The following DDHD2 variants were observed in gnomAD, a reference collection of about 807,000 sequenced individuals.
DDHD2 encodes the protein DDHD domain containing 2.
Under a neutral mutation model 91.2 loss-of-function variants are expected in DDHD2, and 62 were observed. The ratio of observed to expected loss-of-function variants is 0.68; its 90% CI spans 0.55 to 0.84. DDHD2 has a LOEUF of 0.84. Among genes scored for constraint, DDHD2 ranks in the 40% least tolerant of loss-of-function variants. The pLI, the probability that DDHD2 is intolerant of heterozygous loss-of-function variation, is 0.00. For synonymous variants in DDHD2, 271 were observed against 293.9 expected (o/e 0.92, Z 0.80); for missense variants, 740 against 846.9 (o/e 0.87, Z 1.57).
At position 38,247,821 on chromosome 8, in the gene DDHD2, G is replaced by C; in HGVS notation, c.1234G>C (p.Asp412His). 1 of 1,563,960 alleles carries C rather than the reference G, an allele frequency of 6.4e-7. No homozygotes were observed. Among genetic ancestry groups the C allele is most frequent in the East Asian group, 2.3e-5 (1 of 43,532 alleles). The change falls in exon 10 of 18, where the codon GAT becomes CAT. Residue 412 changes from aspartate to histidine, a missense_variant. Asp to His is a moderately conservative substitution (Grantham distance 81, BLOSUM62 -1). Transcript: ENST00000397166. The part of the protein sequence containing the change: ...FFDIFEKEKV[D>H]KEALALCTDR... Reference sequence around the variant, plus strand: ...TGATATCTTTGAGAAGGAGAAAGTAGATAAGGAAGCTCTGGTAAAAATAAT... The same window carrying C: ...TGATATCTTTGAGAAGGAGAAAGTACATAAGGAAGCTCTGGTAAAAATAAT...
At chr8:38,266,168 T>C (rs975407957), downstream of DDHD2, 3 of 1,614,066 alleles carry the variant, frequency 1.9e-6, no homozygotes, top group Non-Finnish European at 2.5e-6. Flanking sequence ...TAGTCACATG[T>C]GCGGGACAGT....
intron 16 of DDHD2, among the ~76,000 whole-genome samples, chr8:38,255,104 A>T (rs928094310): frequency 2.0e-5 from 3 of 150,496 alleles, no homozygotes; most frequent in South Asian, 2.1e-4. Flanking sequence ...CTGAGACAGG[A>T]GAATTGCCTG....
At chr8:38,260,019 C>T (rs1229348471) in intron 16 of DDHD2, 21 bp from the exon 17 acceptor site, 1 of 1,527,560 alleles carries the variant, frequency 6.5e-7, no homozygotes, top group African/African-American at 1.4e-5. Context: ...CTTTTCTCAA[C>T]ATAATTTTTT....
chr8:38,243,031 G>T (rs896382052), intron 7 of DDHD2, among the ~76,000 whole-genome samples: 3 of 152,144 alleles, frequency 2.0e-5, no homozygotes, highest in Non-Finnish European at 2.9e-5. Context: ...TTTCCATGCT[G>T]GTCTCAGAAA....
intron 4 of DDHD2, 74 bp downstream of exon 4, chr8:38,237,701 T>G: frequency 2.5e-6 from 2 of 789,772 alleles, no homozygotes; most frequent in Non-Finnish European, 4.0e-6. Flanking sequence ...TGGTTTCTTT[T>G]GCTAAGCACT....
rs1365095845 is a variant in DDHD2 at position 38,234,427 on chromosome 8, A to C, written c.254A>C (p.Asp85Ala). The C allele has an allele frequency of 1.9e-6, 3 of 1,602,942 alleles. No individual in the cohort carries two copies. The highest frequency in any genetic ancestry group is 2.5e-6 in the Non-Finnish European group (3 of 1,177,474). Residue 85 changes from aspartate (D) to alanine (A), a missense_variant, in exon 3 of 18, where the codon GAT becomes GCT. Physicochemically the swap from Asp to Ala is moderately radical, Grantham distance 126. Transcript: ENST00000397166. ...KGCNGRVVPTDGGRYDVHLGE... is the reference protein window; with the variant it reads ...KGCNGRVVPTAGGRYDVHLGE... ...TGTAATGGGAGAGTTGTTCCTACTG[A>C]TGGGGGCAGATATGATGTTCATTTG...
chr8:38,267,917 T>A, intron 1 of DDHD2: 1 of 1,613,948 alleles, frequency 6.2e-7, no homozygotes, highest in Non-Finnish European at 8.5e-7. Context: ...TCAGTTTTAT[T>A]GTGTTGGTAA....
At chr8:38,265,600 G>C (rs1807468639), downstream of DDHD2, 1 of 152,080 alleles carries the variant, frequency 6.6e-6, no homozygotes, top group South Asian at 2.1e-4. Flanking sequence ...CTCAATTTTT[G>C]TATTTTTAGT....
chr8:38,255,907 T>C (rs1035213199), intron 16 of DDHD2, among the ~76,000 whole-genome samples: 21 of 152,328 alleles, frequency 1.4e-4, no homozygotes, highest in African/African-American at 4.8e-4. Context: ...TTGATAAATA[T>C]TGACAAATAA....
rs779725926 is a variant in DDHD2, at chr8:38,246,271, G to T, written c.1096G>T (p.Asp366Tyr). 4.3e-6 allele frequency: 7 copies of T among 1,609,592 alleles called. No individual in the cohort carries two copies. Among genetic ancestry groups the T allele is most frequent in the Non-Finnish European group, 5.1e-6 (6 of 1,176,800 alleles). Residue 366 changes from aspartate (D) to tyrosine (Y), a missense_variant, in exon 9 of 18, where the codon GAT (aspartate) becomes TAT (tyrosine). Physicochemically the swap from Asp to Tyr is radical, Grantham distance 160. This residue lies in a region of DDHD2 where 693 missense variants were observed against 764.2 expected (regional missense o/e 0.91). Coordinates refer to ENST00000397166, the MANE Select transcript of DDHD2 (RefSeq NM_015214.3). Reference protein sequence around the residue: ...ILFDILTNQKDSLGDIDSEKD... With the variant: ...ILFDILTNQKYSLGDIDSEKD... ...GTTTGATATCCTAACAAATCAGAAA[G>T]ATTCTTTGGGGGATATTGACAGTGA... is the stretch of plus-strand genomic sequence containing the variant.
chr8:38,253,055 C>G lies in DDHD2; in HGVS notation c.1819C>G (p.Pro607Ala). The part of the protein sequence containing the change: ...AWKSFTRAPY[P>A]ALQASETPEE... ...GAAGTCTTTTACCAGAGCTCCATAC[C>G]CTGCCTTACAAGCTTCAGAAACACC... The change falls in exon 15 of 18, where the codon CCT becomes GCT. Residue 607 changes from proline (P) to alanine (A), a missense_variant. Coordinates refer to ENST00000397166, the MANE Select transcript of DDHD2 (RefSeq NM_015214.3). 6.2e-7 allele frequency: 1 copy of G among 1,614,068 alleles called. No individual in the cohort carries two copies. The highest frequency in any genetic ancestry group is 8.5e-7 in the Non-Finnish European group (1 of 1,180,014).
intron 1 of DDHD2, chr8:38,269,145 C>T: frequency 2.0e-6 from 3 of 1,517,092 alleles, no homozygotes; most frequent in Non-Finnish European, 1.8e-6. Context: ...GCGAACAGCG[C>T]GAGCCGCACG....
intron 7 of DDHD2, among the ~76,000 whole-genome samples, chr8:38,242,996 G>C (rs1283130829): frequency 6.6e-6 from 1 of 152,184 alleles, no homozygotes; most frequent in African/African-American, 2.4e-5. Flanking sequence ...ATAGAACCAG[G>C]AGATGCAGGA....
At chr8:38,235,444 G>A (rs1056869864) in intron 3 of DDHD2, among the ~76,000 whole-genome samples, 1 of 152,066 alleles carries the variant, frequency 6.6e-6, no homozygotes, top group African/African-American at 2.4e-5. Flanking sequence ...AAAATACTCC[G>A]GGCCTGGTGG....
exon 2 of DDHD2, chr8:38,271,351 G>C (rs1247738656): frequency 1.3e-5 from 2 of 152,154 alleles, no homozygotes; most frequent in Non-Finnish European, 2.9e-5. Flanking sequence ...CAATGAGGCA[G>C]AGGTCTCAAT....
rs1805151492 is a variant in DDHD2 at position 38,240,285 on chromosome 8, A to C, written c.633A>C (p.Leu211Phe). 1 of 1,604,918 alleles carries C rather than the reference A, an allele frequency of 6.2e-7. No individual in the cohort carries two copies. The highest frequency in any genetic ancestry group is 1.3e-5 in the African/African-American group (1 of 74,812). Residue 211 changes from leucine to phenylalanine, a missense_variant, in exon 6 of 18, where the codon TTA becomes TTC. This residue lies in a region of DDHD2 where 693 missense variants were observed against 764.2 expected (regional missense o/e 0.91). Transcript: ENST00000397166. ...ISVDIHCGEP[L>F]QIDHLVFVVH... ...TAATTTCATTTATAGGAGAACCTTTACAAATAGATCACTTGGTTTTTGTAG... is the reference window on the plus strand; with the variant it reads ...TAATTTCATTTATAGGAGAACCTTTCCAAATAGATCACTTGGTTTTTGTAG...
chr8:38,269,839 T>TA (rs1162739659), intron 1 of DDHD2: 1 of 152,046 alleles, frequency 6.6e-6, no homozygotes, highest in African/African-American at 2.4e-5. Flanking sequence ...ATTTGTAAAA[T>TA]AAAAAAGGCA....
intron 1 of DDHD2, among the ~76,000 whole-genome samples, chr8:38,269,514 G>A (rs1300231003): frequency 1.3e-5 from 2 of 152,306 alleles, no homozygotes; most frequent in East Asian, 3.9e-4. Flanking sequence ...CCGGGACCTC[G>A]CCTCTAAATG....
At chr8:38,269,343 G>T in intron 1 of DDHD2, 1 of 831,616 alleles carries the variant, frequency 1.2e-6, no homozygotes, top group Non-Finnish European at 1.7e-6. Flanking sequence ...TGTGCCGAGG[G>T]CATCGTCTGG....
Sources: allele counts gnomAD v4.1 joint callset (sites outside exome capture counted in the v4.1 genomes callset), GRCh38; gene constraint gnomAD v4.1.1; regional missense constraint gnomAD v4.1.1; transcripts MANE v1.5; gene names NCBI Gene and HGNC (gene_info 2026-07-23, HGNC 2026-07-21).